The following TNS3 variants were observed in gnomAD, a reference collection of about 807,000 sequenced individuals.
The protein encoded by TNS3 is tensin-3.
In TNS3, 45 loss-of-function variants were observed where a neutral mutation model predicts 140.9. That is an observed-to-expected ratio of 0.32 (90% CI 0.25 to 0.41). TNS3 has a LOEUF of 0.41. TNS3 is among the 10% of genes least tolerant of loss of function. TNS3 has a pLI of 1.00. For missense variants in TNS3, 1,716 were observed against 1,906.7 expected, an observed-to-expected ratio of 0.90 and a Z score of 1.86; for synonymous variants, 815 against 788.4, an observed-to-expected ratio of 1.03 and a Z score of -0.56.
At chr7:47,573,145 C>T (rs561435206) in intron 1 of TNS3, among the ~76,000 whole-genome samples, 5 of 152,348 alleles carry the variant, frequency 3.3e-5, no homozygotes, top group East Asian at 3.9e-4. Context: ...AAAGAGACCA[C>T]GGCCCCAAGG....
chr7:47,572,019 G>A (rs920334084), intron 1 of TNS3, among the ~76,000 whole-genome samples: 6 of 152,234 alleles, frequency 3.9e-5, no homozygotes, highest in Non-Finnish European at 5.9e-5. Context: ...ATGCAACTCC[G>A]CAGGGCATGA....
At chr7:47,533,420 G>T (rs56934377) in intron 1 of TNS3, among the ~76,000 whole-genome samples, 1 of 139,896 alleles carries the variant, frequency 7.1e-6, no homozygotes, top group Non-Finnish European at 1.6e-5. Flanking sequence ...GTGAGCCACC[G>T]CACCTGGCCT....
rs960455303 is a variant in TNS3, at chr7:47,389,139, A to C, written c.1024+7661T>G. Among the ~76,000 whole-genome samples the C allele has an allele frequency of 2.5e-3, 138 of 55,268 alleles. 34 individuals carry two copies. Among genetic ancestry groups the C allele is most frequent in the African/African-American group, 5.5e-3 (114 of 20,880 alleles). The allele number at this position is 55,268 out of a possible 152,430, so 36.3% of individuals were successfully genotyped here. On this transcript the variant is annotated intron_variant, in intron 16 of 30. Coordinates refer to ENST00000311160, the MANE Select transcript of TNS3 (RefSeq NM_022748.12). ...GAAGAAGAAGAAGAAGAAGAAGAAGAAGAAGAAGAAGAAGAAGCAGAAGAA... is the reference window on the plus strand; with the variant it reads ...GAAGAAGAAGAAGAAGAAGAAGAAGCAGAAGAAGAAGAAGAAGCAGAAGAA...
chr7:47,501,236 G>T (rs1798213148), intron 3 of TNS3, among the ~76,000 whole-genome samples: 1 of 152,076 alleles, frequency 6.6e-6, no homozygotes, highest in Non-Finnish European at 1.5e-5. Flanking sequence ...AAGAGAGAAA[G>T]AAAGAATTTA....
intron 17 of TNS3, among the ~76,000 whole-genome samples, chr7:47,353,187 T>C (rs948994236): frequency 1.3e-5 from 2 of 152,190 alleles, no homozygotes; most frequent in Non-Finnish European, 2.9e-5. Context: ...CAGCCAGCTG[T>C]CCCAGGTGGG....
At chr7:47,449,898 G>A (rs187974303) in intron 4 of TNS3, among the ~76,000 whole-genome samples, 17 of 152,276 alleles carry the variant, frequency 1.1e-4, no homozygotes, top group African/African-American at 2.6e-4. Context: ...GAGCCACCAC[G>A]CCCAGCCCTG....
intron 16 of TNS3, among the ~76,000 whole-genome samples, chr7:47,384,981 T>G (rs1299155782): frequency 3.3e-5 from 5 of 152,142 alleles, no homozygotes; most frequent in Non-Finnish European, 7.4e-5. Context: ...CAGGGGAAGC[T>G]CCTCCAAGCT....
chr7:47,328,492 G>A lies in TNS3; in HGVS notation c.2650+16263C>T, dbSNP rs1217195376. ...ACCTGCCCACCATGCCCCCAAACCTGCCCCTCCAAAATCAAACCCCCATTC... is the reference window on the plus strand; with the variant it reads ...ACCTGCCCACCATGCCCCCAAACCTACCCCTCCAAAATCAAACCCCCATTC... On this transcript the variant is annotated intron_variant, in intron 20 of 30. Coordinates refer to ENST00000311160, the MANE Select transcript of TNS3 (RefSeq NM_022748.12). Among the ~76,000 whole-genome samples, 5 of 138,502 alleles carry A rather than the reference G, an allele frequency of 3.6e-5. No individual in the cohort carries two copies. The East Asian group carries it at 1.0e-3, about 29-fold the overall frequency. 90.9% of individuals were successfully genotyped at this position (138,502 alleles called of 152,430 possible). A position where few individuals can be genotyped will look rare whatever the true frequency, so the allele number is the denominator to read the frequency against.
intron 23 of TNS3, among the ~76,000 whole-genome samples, chr7:47,301,650 A>G (rs1409598783): frequency 1.3e-5 from 2 of 148,988 alleles, no homozygotes; most frequent in African/African-American, 5.1e-5. Flanking sequence ...AAAAAAAAAA[A>G]GCCTGACATT....
intron 1 of TNS3, among the ~76,000 whole-genome samples, chr7:47,581,184 T>C (rs1372640051): frequency 6.6e-6 from 1 of 152,028 alleles, no homozygotes; most frequent in Non-Finnish European, 1.5e-5. Context: ...GGGACTCACA[T>C]GTCAGGCCGC....
intron 1 of TNS3, among the ~76,000 whole-genome samples, chr7:47,531,046 T>C (rs1436217294): frequency 1.3e-5 from 2 of 151,212 alleles, no homozygotes; most frequent in Non-Finnish European, 2.9e-5. Flanking sequence ...AAGACAGCAG[T>C]ATAATAGGAA....
At chr7:47,283,506 T>C (rs1785252232) in intron 28 of TNS3, among the ~76,000 whole-genome samples, 191 bp downstream of exon 28, 2 of 152,194 alleles carry the variant, frequency 1.3e-5, no homozygotes, top group Non-Finnish European at 1.5e-5. Flanking sequence ...TGCAAACAAA[T>C]GCTAAGAGTT....
At chr7:47,556,432 T>C (rs1800197612) in intron 1 of TNS3, among the ~76,000 whole-genome samples, 1 of 152,102 alleles carries the variant, frequency 6.6e-6, no homozygotes, top group Non-Finnish European at 1.5e-5. Context: ...CCCCCATGAA[T>C]GTGGGTGTTC....
chr7:47,322,613 G>A (rs543498597), intron 20 of TNS3, among the ~76,000 whole-genome samples: 3 of 152,220 alleles, frequency 2.0e-5, no homozygotes, highest in South Asian at 4.2e-4. Context: ...GGAATGGAAT[G>A]TTATGATTAG....
At chr7:47,489,044 T>A (rs1347746335) in intron 3 of TNS3, among the ~76,000 whole-genome samples, 2 of 152,230 alleles carry the variant, frequency 1.3e-5, no homozygotes, top group Non-Finnish European at 2.9e-5. Context: ...CTTCTGTGTC[T>A]CCTTTGTCAG....
At chr7:47,311,394 TAA>T (rs1168750698) in intron 20 of TNS3, among the ~76,000 whole-genome samples, 11 of 125,966 alleles carry the variant, frequency 8.7e-5, no homozygotes, top group African/African-American at 3.0e-4. Context: ...CCCTAGAACT[TAA>T]AGAGTGTGTG....
At chr7:47,556,329 G>C (rs1414923784) in intron 1 of TNS3, among the ~76,000 whole-genome samples, 1 of 152,184 alleles carries the variant, frequency 6.6e-6, no homozygotes, top group Non-Finnish European at 1.5e-5. Context: ...GAGGTTCCCA[G>C]ATAGATTATT....
At chr7:47,316,777 CAAAA>C (rs766794024) in intron 20 of TNS3, among the ~76,000 whole-genome samples, 1 of 55,994 alleles carries the variant, frequency 1.8e-5, no homozygotes, top group African/African-American at 5.4e-5. Flanking sequence ...GACTCCATCT[CAAAA>C]AAAAAAAAAA....
chr7:47,344,229 T>C (rs1056585934), intron 20 of TNS3, among the ~76,000 whole-genome samples: 4 of 151,748 alleles, frequency 2.6e-5, no homozygotes, highest in African/African-American at 9.7e-5. Flanking sequence ...CCACTAACAC[T>C]CTCTCGCCTG....
Sources: allele counts gnomAD v4.1 joint callset (sites outside exome capture counted in the v4.1 genomes callset), GRCh38; gene constraint gnomAD v4.1.1; transcripts MANE v1.5; gene names NCBI Gene and HGNC (gene_info 2026-07-23, HGNC 2026-07-21).